The following SAP30L variants were observed in gnomAD, a reference collection of about 807,000 sequenced individuals.
The protein encoded by SAP30L is histone deacetylase complex subunit SAP30L.
Under a neutral mutation model 22.3 loss-of-function variants are expected in SAP30L, and 10 were observed. The observed-to-expected ratio is 0.45, with a 90% CI of 0.28 to 0.76. The LOEUF (loss-of-function observed/expected upper bound fraction) is 0.76. SAP30L is among the 30% of genes least tolerant of loss of function. The pLI, the probability that SAP30L is intolerant of heterozygous loss-of-function variation, is 0.14. For synonymous variants in SAP30L, 91 were observed against 94.1 expected (o/e 0.97, Z 0.19); for missense variants, 206 against 237.9 (o/e 0.87, Z 0.88).
At chr5:154,453,613 T>C in intron 3 of SAP30L, 113 bp downstream of exon 3, 1 of 754,120 alleles carries the variant, frequency 1.3e-6, no homozygotes, top group Non-Finnish European at 2.3e-6. Context: ...TCCAGAGTTC[T>C]GGAAGCAACT....
intron 1 of SAP30L, among the ~76,000 whole-genome samples, chr5:154,447,232 T>G (rs2113264933): frequency 6.6e-6 from 1 of 152,334 alleles, no homozygotes; most frequent in East Asian, 1.9e-4. Context: ...AGGTGGCAGT[T>G]ACTTCCCTGG....
chr5:154,447,969 CTTTTTT>C (rs140213326), intron 1 of SAP30L, among the ~76,000 whole-genome samples: 1 of 88,376 alleles, frequency 1.1e-5, no homozygotes. Context: ...TTTTCTTTTT[CTTTTTT>C]TTTTTTTTTT....
intron 1 of SAP30L, 108 bp from the exon 2 acceptor site, chr5:154,450,983 C>G: frequency 8.6e-7 from 1 of 1,163,562 alleles, no homozygotes; most frequent in Non-Finnish European, 1.3e-6. Flanking sequence ...TGTCTTCCAT[C>G]TATCTCTCCA....
chr5:154,458,147 G>A lies in SAP30L; in HGVS notation c.*2119G>A, dbSNP rs563125709. On this transcript the variant is annotated 3_prime_UTR_variant, in exon 4 of 4. Coordinates refer to ENST00000297109, the MANE Select transcript of SAP30L (RefSeq NM_024632.6). ...TGTCTGAAAGAATCTTTATTCCAAAGCGAAACCTGGGGAAATGTTTTACCT... is the reference window on the plus strand; with the variant it reads ...TGTCTGAAAGAATCTTTATTCCAAAACGAAACCTGGGGAAATGTTTTACCT... 6.6e-6 allele frequency: 1 copy of A among 152,300 alleles called. No individual in the cohort carries two copies. Among genetic ancestry groups the A allele is most frequent in the Non-Finnish European group, 1.5e-5 (1 of 68,022 alleles). The allele number at this position is 152,300 out of a possible 1,614,324, so 9.4% of individuals were successfully genotyped here.
In SAP30L at chr5:154,446,435, G is replaced by T; in HGVS notation, c.-170G>T. 2.0e-6 allele frequency: 1 copy of T among 492,944 alleles called. No individual in the cohort carries two copies. The highest frequency in any genetic ancestry group is 5.9e-5 in the South Asian group (1 of 16,904). 30.5% of individuals were successfully genotyped at this position (492,944 alleles called of 1,614,324 possible). On this transcript the variant is annotated 5_prime_UTR_variant, in exon 1 of 4. Coordinates refer to ENST00000297109, the MANE Select transcript of SAP30L (RefSeq NM_024632.6). The stretch of plus-strand genomic sequence containing the variant: ...GGGGCTTCCGGAGGCGGAGGGCCGG[G>T]GGCCGAGGGAGCCGGGCCTCTCGGA...
chr5:154,455,328 C>T (rs568818006), intron 3 of SAP30L, among the ~76,000 whole-genome samples: 317 of 152,320 alleles, frequency 2.1e-3, no homozygotes, highest in African/African-American at 7.3e-3. Context: ...GATCCTCCCA[C>T]CTCAGCCTCC....
Position 154,447,868 on chromosome 5 carries a change from T to G in SAP30L, c.201+1063T>G, listed in dbSNP as rs376509739. Among the ~76,000 whole-genome samples, 22 of 152,214 alleles carry G rather than the reference T, an allele frequency of 1.4e-4. 2 individuals carry two copies. The highest frequency in any genetic ancestry group is 4.8e-4 in the African/African-American group (20 of 41,532). On this transcript the variant is annotated intron_variant, in intron 1 of 3. Transcript: ENST00000297109. Reference sequence around the variant, plus strand: ...GAGGCTGGTTAATTTCTTAAAGATATTATCTAATTTACTTCCAAGCCCTAT... The same window carrying G: ...GAGGCTGGTTAATTTCTTAAAGATAGTATCTAATTTACTTCCAAGCCCTAT...
chr5:154,451,192 G>C lies in SAP30L; in HGVS notation c.303G>C (p.Glu101Asp). 5.0e-6 allele frequency: 8 copies of C among 1,614,070 alleles called. No individual in the cohort carries two copies. Among genetic ancestry groups the C allele is most frequent in the Non-Finnish European group, 6.8e-6 (8 of 1,180,002 alleles). Residue 101 changes from glutamate to aspartate, a missense_variant, in exon 2 of 4, where the codon GAG becomes GAC. Around this residue, in one of 2 missense-constraint regions of SAP30L, gnomAD observed 136 missense variants for 187.4 expected, o/e 0.73. Coordinates refer to ENST00000297109, the MANE Select transcript of SAP30L (RefSeq NM_024632.6). ...GTGACGATGGCGGAGATTCTCCCGAGCACGACACTGACATTCCTGAGGTAA... is the reference window on the plus strand; with the variant it reads ...GTGACGATGGCGGAGATTCTCCCGACCACGACACTGACATTCCTGAGGTAA... ...KTSDDGGDSP[E>D]HDTDIPEVDL...
At position 154,446,398 on chromosome 5, in the gene SAP30L, G is replaced by T. The variant is rs1319982955; in HGVS notation, c.-207G>T. On this transcript the variant is annotated 5_prime_UTR_variant, in exon 1 of 4. Transcript: ENST00000297109. ...GCGGGAGCCGACCCCGGGGCCTCGAGCCGGGAGGAAGGGGGCTTCCGGAGG... is the reference window on the plus strand; with the variant it reads ...GCGGGAGCCGACCCCGGGGCCTCGATCCGGGAGGAAGGGGGCTTCCGGAGG... 10 of 415,904 alleles carry T rather than the reference G, an allele frequency of 2.4e-5. No homozygotes were observed. The highest frequency in any genetic ancestry group is 3.7e-5 in the Non-Finnish European group (9 of 241,078). 25.8% of individuals were successfully genotyped at this position (415,904 alleles called of 1,614,324 possible). A position where few individuals can be genotyped will look rare whatever the true frequency, so the allele number is the denominator to read the frequency against.
At chr5:154,455,119 T>C (rs1370763482) in intron 3 of SAP30L, among the ~76,000 whole-genome samples, 2 of 152,306 alleles carry the variant, frequency 1.3e-5, no homozygotes, top group South Asian at 2.1e-4. Flanking sequence ...GGTTTCACCA[T>C]GTTGGCCAGG....
At position 154,457,227 on chromosome 5, in the gene SAP30L, G is replaced by A. The variant is rs1757281544; in HGVS notation, c.*1199G>A. 6.6e-6 allele frequency: 1 copy of A among 152,150 alleles called. No homozygotes were observed. Among genetic ancestry groups the A allele is most frequent in the African/African-American group, 2.4e-5 (1 of 41,436 alleles). 9.4% of individuals were successfully genotyped at this position (152,150 alleles called of 1,614,324 possible). A position where few individuals can be genotyped will look rare whatever the true frequency, so the allele number is the denominator to read the frequency against. On this transcript the variant is annotated 3_prime_UTR_variant, in exon 4 of 4. Coordinates refer to ENST00000297109, the MANE Select transcript of SAP30L (RefSeq NM_024632.6). ...AACTCCTCAATCTAATTATATCAGAGCCAAAGTATCCTGTGAAAACAAAGC... is the reference window on the plus strand; with the variant it reads ...AACTCCTCAATCTAATTATATCAGAACCAAAGTATCCTGTGAAAACAAAGC...
intron 1 of SAP30L, among the ~76,000 whole-genome samples, chr5:154,448,712 A>G (rs2113268597): frequency 6.6e-6 from 1 of 152,348 alleles, no homozygotes; most frequent in East Asian, 1.9e-4. Flanking sequence ...ACTGTACTGG[A>G]AAACCTGTGT....
intron 1 of SAP30L, among the ~76,000 whole-genome samples, chr5:154,447,969 C>CTTTTTTTTT (rs140213326): frequency 2.9e-4 from 26 of 88,354 alleles, no homozygotes; most frequent in African/African-American, 6.3e-4. Context: ...TTTTCTTTTT[C>CTTTTTTTTT]TTTTTTTTTT....
Position 154,446,376 on chromosome 5 carries a change from G to A in SAP30L, c.-229G>A, listed in dbSNP as rs1486508513. The A allele has an allele frequency of 2.5e-5, 10 of 394,406 alleles. No homozygotes were observed. Among genetic ancestry groups the A allele is most frequent in the East Asian group, 1.9e-4 (5 of 25,894 alleles). The allele number at this position is 394,406 out of a possible 1,614,324, so 24.4% of individuals were successfully genotyped here. ...CCCCGGCGGGGCCCTGCGAGCCGCG[G>A]GAGCCGACCCCGGGGCCTCGAGCCG... On this transcript the variant is annotated 5_prime_UTR_variant, in exon 1 of 4. Transcript: ENST00000297109.
chr5:154,455,495 C>T (rs1241868219), intron 3 of SAP30L, among the ~76,000 whole-genome samples: 2 of 152,326 alleles, frequency 1.3e-5, no homozygotes, highest in South Asian at 4.1e-4. Context: ...AGGTGTGAGC[C>T]ACCACGCCTG....
intron 1 of SAP30L, among the ~76,000 whole-genome samples, chr5:154,448,892 ATTTC>A (rs1350118168): frequency 2.6e-5 from 4 of 152,088 alleles, no homozygotes; most frequent in Admixed American, 6.6e-5. Flanking sequence ...AAGGGATTCT[ATTTC>A]TTTCTCACAG....
At chr5:154,449,337 G>C (rs936379822) in intron 1 of SAP30L, among the ~76,000 whole-genome samples, 4 of 152,118 alleles carry the variant, frequency 2.6e-5, no homozygotes, top group Admixed American at 1.3e-4. Context: ...GGGGGCAGAA[G>C]GCCTGGGTGA....
rs1237581958 is a variant in SAP30L at position 154,457,220 on chromosome 5, T to C, written c.*1192T>C. ...AACGTTGAACTCCTCAATCTAATTA[T>C]ATCAGAGCCAAAGTATCCTGTGAAA... On this transcript the variant is annotated 3_prime_UTR_variant, in exon 4 of 4. Transcript: ENST00000297109. The C allele has an allele frequency of 1.3e-5, 2 of 152,236 alleles. No homozygotes were observed. Among genetic ancestry groups the C allele is most frequent in the Non-Finnish European group, 2.9e-5 (2 of 68,046 alleles). The allele number at this position is 152,236 out of a possible 1,614,324, so 9.4% of individuals were successfully genotyped here.
Position 154,456,230 on chromosome 5 carries a change from G to A in SAP30L, c.*202G>A. 2.4e-6 allele frequency: 1 copy of A among 408,854 alleles called. No homozygotes were observed. Among genetic ancestry groups the A allele is most frequent in the South Asian group, 7.2e-5 (1 of 13,826 alleles). The allele number at this position is 408,854 out of a possible 1,614,324, so 25.3% of individuals were successfully genotyped here. On this transcript the variant is annotated 3_prime_UTR_variant, in exon 4 of 4. Transcript: ENST00000297109. Reference sequence around the variant, plus strand: ...AAAGACTTTCTTTTACGATAACTCTGGACTAAAAAAATCAGGATCATTAAA... The same window carrying A: ...AAAGACTTTCTTTTACGATAACTCTAGACTAAAAAAATCAGGATCATTAAA...
Sources: gnomAD v4.1 joint callset for allele counts (sites outside exome capture counted in the v4.1 genomes callset) on GRCh38, gnomAD v4.1.1 for gene constraint, gnomAD v4.1.1 regional missense constraint, MANE v1.5 for transcripts, NCBI Gene and HGNC (gene_info 2026-07-23, HGNC 2026-07-21) for gene names.